The following AVEN variants were observed in gnomAD, a reference collection of about 807,000 sequenced individuals.
AVEN encodes the protein cell death regulator Aven.
In AVEN, 41 loss-of-function variants were observed where a neutral mutation model predicts 38.1. The ratio of observed to expected loss-of-function variants is 1.08; its 90% confidence interval spans 0.84 to 1.40. The LOEUF (loss-of-function observed/expected upper bound fraction) is 1.40, where lower values mean the gene tolerates loss of function less well. Among genes scored for constraint, AVEN ranks in the 40% most tolerant of loss-of-function variants. The pLI is 0.00. For missense variants in AVEN, 605 were observed against 438.8 expected (o/e 1.38, Z -3.38); for synonymous variants, 206 against 171.8 (o/e 1.20, Z -1.56).
rs1384058907 is a variant in AVEN at position 33,866,583 on chromosome 15, G to A, written c.*30C>T. ...CCACCTGCCGTTAGAAGGCAACCAA[G>A]ATTTGCTTCAGGCACTTTTTTTCCC... On this transcript the variant is annotated 3_prime_UTR_variant, in exon 6 of 6. Transcript: ENST00000306730. 8.9e-6 allele frequency: 14 copies of A among 1,572,022 alleles called. No homozygotes were observed. Among genetic ancestry groups the A allele is most frequent in the Admixed American group, 3.4e-5 (2 of 59,616 alleles).
chr15:34,021,208 T>A (rs1330598582), intron 1 of AVEN, among the ~76,000 whole-genome samples: 1 of 152,108 alleles, frequency 6.6e-6, no homozygotes, highest in Non-Finnish European at 1.5e-5. Context: ...TTTTTGGAGA[T>A]GGAGTTTTGC....
intron 5 of AVEN, 80 bp downstream of exon 5, chr15:33,867,415 G>C (rs965714558): frequency 1.3e-6 from 2 of 1,504,778 alleles, no homozygotes; most frequent in Admixed American, 2.2e-5. Context: ...AGAGGGATGT[G>C]TGCGGATGTG....
intron 1 of AVEN, among the ~76,000 whole-genome samples, chr15:34,006,219 G>A (rs1467041628): frequency 1.3e-5 from 2 of 151,972 alleles, no homozygotes; most frequent in East Asian, 3.9e-4. Flanking sequence ...GCTGAGGCAG[G>A]AGAATGGCGT....
chr15:33,951,784 T>C (rs1894761100), intron 2 of AVEN, among the ~76,000 whole-genome samples: 1 of 152,052 alleles, frequency 6.6e-6, no homozygotes, highest in Admixed American at 6.6e-5. Flanking sequence ...ATAATGAATA[T>C]AAAATAATGA....
At chr15:34,055,921 GAC>G (rs1226556761) in intron 5 of AVEN, among the ~76,000 whole-genome samples, 7 of 152,108 alleles carry the variant, frequency 4.6e-5, no homozygotes, top group African/African-American at 1.4e-4. Context: ...TAAATTTTGA[GAC>G]ACACTGATTA....
chr15:33,886,843 G>A (rs1365957041), intron 2 of AVEN, among the ~76,000 whole-genome samples: 1 of 152,170 alleles, frequency 6.6e-6, no homozygotes, highest in African/African-American at 2.4e-5. Flanking sequence ...CTGGTATGGT[G>A]GCCCAGGCTC....
At chr15:34,067,813 C>G (rs59859850) in intron 2 of AVEN, among the ~76,000 whole-genome samples, 4 of 152,144 alleles carry the variant, frequency 2.6e-5, no homozygotes, top group African/African-American at 9.7e-5. Flanking sequence ...TTTAAAGAGT[C>G]GGTGCCCCAC....
At chr15:34,055,115 C>T (rs1900083542) in intron 5 of AVEN, among the ~76,000 whole-genome samples, 1 of 151,520 alleles carries the variant, frequency 6.6e-6, no homozygotes, top group Admixed American at 6.6e-5. Flanking sequence ...TCACTTGAAC[C>T]CGGGAGGCGG....
intron 2 of AVEN, among the ~76,000 whole-genome samples, chr15:33,911,128 CCTCT>C (rs1892901784): frequency 6.6e-6 from 1 of 152,104 alleles, no homozygotes; most frequent in Non-Finnish European, 1.5e-5. Context: ...GTTCCTTATT[CCTCT>C]CAAGACCAAC....
chr15:33,865,023 T>C (rs1890003408), downstream of AVEN: 1 of 759,530 alleles, frequency 1.3e-6, no homozygotes, highest in East Asian at 2.6e-5. Flanking sequence ...TGGCCTCATA[T>C]AAATTCACAT....
intron 3 of AVEN, among the ~76,000 whole-genome samples, chr15:33,875,527 G>C (rs571562761): frequency 6.6e-6 from 1 of 152,278 alleles, no homozygotes; most frequent in East Asian, 1.9e-4. Context: ...ATTTAAAGCT[G>C]CAAGGTTAAG....
chr15:34,066,076 T>C (rs1410227999), exon 4 of AVEN: 2 of 152,284 alleles, frequency 1.3e-5, no homozygotes, highest in East Asian at 3.9e-4. Context: ...AGGACGGGAC[T>C]GGTCCCTTAT....
intron 2 of AVEN, among the ~76,000 whole-genome samples, chr15:33,938,947 T>C (rs964730174): frequency 7.9e-5 from 12 of 152,304 alleles, no homozygotes; most frequent in South Asian, 2.1e-4. Context: ...GTTCAAGTAA[T>C]TCTCCTGTCT....
intron 2 of AVEN, among the ~76,000 whole-genome samples, chr15:33,961,378 A>G (rs1467559893): frequency 6.6e-6 from 1 of 152,204 alleles, no homozygotes; most frequent in African/African-American, 2.4e-5. Context: ...AGTAAATGGT[A>G]TGTCTCATAG....
At chr15:34,043,921 T>C (rs1597384056), upstream of AVEN, among the ~76,000 whole-genome samples, 1 of 152,228 alleles carries the variant, frequency 6.6e-6, no homozygotes, top group East Asian at 1.9e-4. Context: ...GGGGTCTCTG[T>C]CCCAGTCCAA....
chr15:34,063,934 C>T lies in AVEN; in HGVS notation n.1127-502G>A. On this transcript the variant is annotated intron_variant and non_coding_transcript_variant, in intron 4 of 11. Transcript: ENST00000675287. This position sits in a 1 kb window ranked among gnomAD's most constrained non-coding sequence, Gnocchi z 4.1. Reference sequence around the variant, plus strand: ...CACAAGGTGAAAATCATGCCCTGCCCCTTCCCAGTGGCCAAGGAACCTTCA... The same window carrying T: ...CACAAGGTGAAAATCATGCCCTGCCTCTTCCCAGTGGCCAAGGAACCTTCA... 6.2e-7 allele frequency: 1 copy of T among 1,614,156 alleles called. No individual in the cohort carries two copies. The highest frequency in any genetic ancestry group is 8.5e-7 in the Non-Finnish European group (1 of 1,180,018).
chr15:33,884,982 T>C (rs115092000), intron 2 of AVEN, among the ~76,000 whole-genome samples: 1 of 152,328 alleles, frequency 6.6e-6, no homozygotes, highest in African/African-American at 2.4e-5. Flanking sequence ...AAACCAACTC[T>C]AGAAAGCAGA....
intron 3 of AVEN, among the ~76,000 whole-genome samples, 182 bp from the exon 4 acceptor site, chr15:33,871,212 A>C (rs1033633422): frequency 1.3e-5 from 2 of 152,046 alleles, no homozygotes; most frequent in Non-Finnish European, 2.9e-5. Context: ...AACCAAAGCT[A>C]CCTTCTTGAG....
chr15:33,853,667 C>T, the AVEN span: 1 of 1,613,780 alleles, frequency 6.2e-7, no homozygotes, highest in Non-Finnish European at 8.5e-7. Flanking sequence ...GCAGAAGCGG[C>T]TTCTCTGGTG....
Sources: gnomAD v4.1 joint callset for allele counts (sites outside exome capture counted in the v4.1 genomes callset) on GRCh38, gnomAD v4.1.1 for gene constraint, Gnocchi (gnomAD v3.1) non-coding constraint, MANE v1.5 for transcripts, NCBI Gene and HGNC (gene_info 2026-07-23, HGNC 2026-07-21) for gene names.